CARF: variants seen among roughly 807,000 people sequenced by gnomAD.
CARF encodes the protein calcium-responsive transcription factor.
CARF carries 57 observed loss-of-function variants against 82.0 expected under a neutral mutation model. That is an observed-to-expected ratio of 0.70 (90% CI 0.56 to 0.87). The LOEUF (loss-of-function observed/expected upper bound fraction) is 0.87. Ranked by LOEUF, CARF falls within the 40% of genes least tolerant of loss-of-function variation. CARF has a pLI of 0.00. For missense variants in CARF, 771 were observed against 855.8 expected, an observed-to-expected ratio of 0.90 and a Z score of 1.24; for synonymous variants, 268 against 290.1, an observed-to-expected ratio of 0.92 and a Z score of 0.77.
intron 6 of CARF, among the ~76,000 whole-genome samples, chr2:202,953,333 T>C (rs935458034): frequency 6.6e-6 from 1 of 151,966 alleles, no homozygotes; most frequent in Admixed American, 6.6e-5. Context: ...TCTTTATCAA[T>C]ATTTTTATTA....
At chr2:202,960,974 G>A (rs1239854555) in intron 8 of CARF, among the ~76,000 whole-genome samples, 2 of 152,170 alleles carry the variant, frequency 1.3e-5, no homozygotes, top group African/African-American at 2.4e-5. Flanking sequence ...GTTCTTGCAA[G>A]TTATCTTTTC....
chr2:202,917,990 G>T lies in CARF; in HGVS notation c.-216G>T. 1 of 444,770 alleles carries T rather than the reference G, an allele frequency of 2.2e-6. No individual in the cohort carries two copies. The highest frequency in any genetic ancestry group is 4.5e-6 in the Non-Finnish European group (1 of 222,886). The allele number at this position is 444,770 out of a possible 1,614,324, so 27.6% of individuals were successfully genotyped here. A position where few individuals can be genotyped will look rare whatever the true frequency, so the allele number is the denominator to read the frequency against. On this transcript the variant is annotated 5_prime_UTR_variant, in exon 2 of 17. Transcript: ENST00000438828. ...TCAGTGGACAAGAAAGGACATTTCT[G>T]GGGGTAGTAGAATGCTTGAGGCCTG... is the stretch of plus-strand genomic sequence containing the variant.
chr2:202,923,974 C>T (rs575847359), intron 2 of CARF, among the ~76,000 whole-genome samples: 54 of 152,320 alleles, frequency 3.5e-4, no homozygotes, highest in Non-Finnish European at 6.8e-4. Context: ...CAAAAATCAA[C>T]TCAAGATGGA....
rs945560836 is a variant in CARF, at chr2:202,986,424, T to A, written c.*2800T>A. On this transcript the variant is annotated 3_prime_UTR_variant, in exon 17 of 17. Transcript: ENST00000438828. ...TTTTGTGTGTGTCATGTATTGTAAG[T>A]TGTAATATCTGTAGGAGTGAGTTGG... 3 of 152,258 alleles carry A rather than the reference T, an allele frequency of 2.0e-5. No individual in the cohort carries two copies. Among genetic ancestry groups the A allele is most frequent in the African/African-American group, 7.2e-5 (3 of 41,566 alleles). The allele number at this position is 152,258 out of a possible 1,614,324, so 9.4% of individuals were successfully genotyped here.
rs555997253 is a variant in CARF, at chr2:202,955,613, T to C, written c.558-61T>C. 6.5e-6 allele frequency: 8 copies of C among 1,221,892 alleles called. No homozygotes were observed. The East Asian group carries it at 1.7e-4, about 26-fold the overall frequency. 75.7% of individuals were successfully genotyped at this position (1,221,892 alleles called of 1,614,324 possible). The stretch of plus-strand genomic sequence containing the variant: ...CTTTGATACTAAGAGGATAAAGCAG[T>C]TGAATGCATTTTGTGTGTTCATTGA... On this transcript the variant is annotated intron_variant, in intron 7 of 16. Transcript: ENST00000438828.
chr2:202,986,868 GTATATATATATATATA>G lies in CARF; in HGVS notation c.*3269_*3284del, dbSNP rs67693134. The G allele has an allele frequency of 4.0e-4, 12 of 29,638 alleles. No homozygotes were observed. Among genetic ancestry groups the G allele is most frequent in the South Asian group, 2.1e-3 (1 of 476 alleles). 1.8% of individuals were successfully genotyped at this position (29,638 alleles called of 1,614,324 possible). On this transcript the variant is annotated 3_prime_UTR_variant, in exon 17 of 17. Coordinates refer to ENST00000438828, the MANE Select transcript of CARF (RefSeq NM_024744.17). ...AAAGAGGTTTAAAAAATGTCTGTGCGTATATATATATATATATATATATATATATATATATATATAG... is the reference window on the plus strand; with the variant it reads ...AAAGAGGTTTAAAAAATGTCTGTGCGTATATATATATATATATATATATAG...
intron 8 of CARF, among the ~76,000 whole-genome samples, chr2:202,958,247 A>ATGTGTGTGTGTGTGTGTGTG (rs1225523942): frequency 1.1e-4 from 3 of 26,476 alleles, no homozygotes; most frequent in South Asian, 2.7e-3. Flanking sequence ...GTATATACAT[A>ATGTGTGTGTGTGTGTGTGTG]TATGTGTGTG....
Position 202,954,270 on chromosome 2 carries a change from AT to A in CARF, c.557+140del, listed in dbSNP as rs932666235. ...ACTATCATTGAATATATCTTTAGTTATTTTAAGGCATCTTGGTCATAAGGCG... is the reference window on the plus strand; with the variant it reads ...ACTATCATTGAATATATCTTTAGTTATTTAAGGCATCTTGGTCATAAGGCG... On this transcript the variant is annotated intron_variant, in intron 7 of 16. Transcript: ENST00000438828. 27 of 1,046,722 alleles carry A rather than the reference AT, an allele frequency of 2.6e-5. No homozygotes were observed. In the African/African-American group the frequency reaches 4.5e-4, roughly 17 times the overall value. 64.8% of individuals were successfully genotyped at this position (1,046,722 alleles called of 1,614,324 possible).
intron 5 of CARF, among the ~76,000 whole-genome samples, chr2:202,949,514 TA>T (rs1483161105): frequency 2.1e-5 from 2 of 93,260 alleles, no homozygotes; most frequent in East Asian, 4.0e-4. Flanking sequence ...TTTTGTTATT[TA>T]TTTATTATTA....
At chr2:202,919,583 A>G (rs1382546202) in intron 2 of CARF, among the ~76,000 whole-genome samples, 4 of 152,192 alleles carry the variant, frequency 2.6e-5, no homozygotes, top group African/African-American at 9.7e-5. Context: ...AGTTTTTTGT[A>G]TGTTACGGTA....
chr2:202,961,352 C>G lies in CARF; in HGVS notation c.758C>G (p.Pro253Arg), dbSNP rs751188778. The G allele has an allele frequency of 6.2e-7, 1 of 1,614,198 alleles. No individual in the cohort carries two copies. The stretch of plus-strand genomic sequence containing the variant: ...TGGGGGACCCGTCAGTCTCCAAGCC[C>G]AGCCAAGCCTGCTACACGCTTGATG... ...SVWGTRQSPS[P>R]AKPATRLMWK... Residue 253 changes from proline to arginine, a missense_variant, in exon 9 of 17, where the codon CCA becomes CGA. Transcript: ENST00000438828.
chr2:202,949,942 G>A lies in CARF; in HGVS notation c.307-2617G>A, dbSNP rs540859253. ...GATGTTTTGGAGTGAAGCTGAATTG[G>A]TCTTTTGAATTTATTAGAAATATTG... On this transcript the variant is annotated intron_variant, in intron 5 of 16. Transcript: ENST00000438828. 2.0e-5 allele frequency among the ~76,000 whole-genome samples: 3 copies of A among 152,234 alleles called. No individual in the cohort carries two copies. In the South Asian group the frequency reaches 6.2e-4, roughly 32 times the overall value.
At position 202,983,571 on chromosome 2, in the gene CARF, T is replaced by C; in HGVS notation, c.2125T>C (p.Leu709=). 1 of 1,612,472 alleles carries C rather than the reference T, an allele frequency of 6.2e-7. No individual in the cohort carries two copies. Among genetic ancestry groups the C allele is most frequent in the Non-Finnish European group, 8.5e-7 (1 of 1,179,398 alleles). ...QVKQEPKEPA[L]SMEAKKTVDY... is the part of the protein sequence containing the mutation. ...TAAACAAGAACCCAAAGAACCAGCA[T>C]TGTCTATGGAAGCAAAAAAAACTGT... Residue 709 remains leucine (L), a synonymous_variant, in exon 17 of 17, where the codon TTG becomes CTG. Coordinates refer to ENST00000438828, the MANE Select transcript of CARF (RefSeq NM_024744.17).
rs1380361492 is a variant in CARF at position 202,963,020 on chromosome 2, C to G, written c.832+1594C>G. On this transcript the variant is annotated intron_variant, in intron 9 of 16. Transcript: ENST00000438828. ...GCCCATTTCATCTTTACAAGATTAT[C>G]TTAAAATTGCTCTCAAGGCCGGGCG... is the stretch of plus-strand genomic sequence containing the variant. The G allele has an allele frequency of 3.3e-5, 5 of 152,178 alleles. No homozygotes were observed. In the East Asian group the frequency reaches 5.8e-4, roughly 18 times the overall value. The allele number at this position is 152,178 out of a possible 1,614,324, so 9.4% of individuals were successfully genotyped here.
chr2:202,982,552 T>C (rs1274182579), intron 16 of CARF, 111 bp downstream of exon 16: 3 of 1,227,056 alleles, frequency 2.4e-6, no homozygotes, highest in South Asian at 1.5e-5. Context: ...TATGATATTA[T>C]GTAAATGAAG....
intron 3 of CARF, among the ~76,000 whole-genome samples, chr2:202,931,653 G>C (rs1356522124): frequency 6.6e-6 from 1 of 152,168 alleles, no homozygotes; most frequent in Non-Finnish European, 1.5e-5. Context: ...CAGTCAGGAA[G>C]GGTGTAGTGT....
chr2:202,939,715 G>A (rs549089393), intron 3 of CARF, among the ~76,000 whole-genome samples: 30 of 136,256 alleles, frequency 2.2e-4, no homozygotes, highest in African/African-American at 8.1e-4. Flanking sequence ...TTGAGACAGG[G>A]TCTCACTATG....
intron 8 of CARF, among the ~76,000 whole-genome samples, chr2:202,956,874 C>T (rs2059070172): frequency 6.6e-6 from 1 of 151,958 alleles, no homozygotes; most frequent in Admixed American, 6.6e-5. Context: ...CTGCAACCTC[C>T]ACCTCCCAGG....
chr2:202,975,430 C>T (rs1366551986), intron 13 of CARF, among the ~76,000 whole-genome samples: 3 of 150,512 alleles, frequency 2.0e-5, no homozygotes, highest in Non-Finnish European at 3.0e-5. Context: ...GGCAACAGAG[C>T]GAGACTCCGT....
Sources: allele counts gnomAD v4.1 joint callset (sites outside exome capture counted in the v4.1 genomes callset), GRCh38; gene constraint gnomAD v4.1.1; transcripts MANE v1.5; gene names NCBI Gene and HGNC (gene_info 2026-07-23, HGNC 2026-07-21).